Variants in LGR6 observed in about 807,000 individuals in gnomAD.
LGR6 encodes the protein leucine-rich repeat-containing G protein-coupled receptor 6.
In LGR6, 45 loss-of-function variants were observed where a neutral mutation model predicts 69.4. That is an observed-to-expected ratio of 0.65 (90% CI 0.51 to 0.83). The LOEUF is 0.83. Among genes scored for constraint, LGR6 ranks in the 40% least tolerant of loss-of-function variants. The pLI is 0.00. For synonymous variants in LGR6, 538 were observed against 555.0 expected, an observed-to-expected ratio of 0.97 and a Z score of 0.43; for missense variants, 1,108 against 1,246.7, an observed-to-expected ratio of 0.89 and a Z score of 1.68.
At chr1:202,256,885 T>A (rs952011550) in intron 4 of LGR6, among the ~76,000 whole-genome samples, 1 of 152,218 alleles carries the variant, frequency 6.6e-6, no homozygotes, top group African/African-American at 2.4e-5. Flanking sequence ...ACTTGTTATG[T>A]CTTTTTGATT....
chr1:202,279,664 T>C (rs1033009867), intron 5 of LGR6, among the ~76,000 whole-genome samples: 1 of 152,238 alleles, frequency 6.6e-6, no homozygotes, highest in African/African-American at 2.4e-5. Flanking sequence ...ATTTTTGGAT[T>C]CTCTGCTCCA....
At chr1:202,314,742 AG>A (rs1654010770) in intron 16 of LGR6, 59 bp from the exon 17 acceptor site, 1 of 1,204,610 alleles carries the variant, frequency 8.3e-7, no homozygotes, top group Non-Finnish European at 1.2e-6. Flanking sequence ...ATTTGGAGAA[AG>A]GTAGGGCTTG....
chr1:202,303,124 G>A (rs536988384), intron 9 of LGR6, among the ~76,000 whole-genome samples, 155 bp from the exon 10 acceptor site: 6 of 152,190 alleles, frequency 3.9e-5, no homozygotes, highest in African/African-American at 9.7e-5. Context: ...CAGCCTCCAC[G>A]AGGGCCTGCG....
rs566319235 is a variant in LGR6, at chr1:202,249,721, C to T, written c.428+13728C>T. ...CCACTGCATCCAATCAATCAAGTCCCAGTGACTGTACATCCTGTTCGCTCT... is the reference window on the plus strand; with the variant it reads ...CCACTGCATCCAATCAATCAAGTCCTAGTGACTGTACATCCTGTTCGCTCT... On this transcript the variant is annotated intron_variant, in intron 4 of 17. Transcript: ENST00000367278. Among the ~76,000 whole-genome samples, 160 of 152,326 alleles carry T rather than the reference C, an allele frequency of 1.1e-3. 1 individual carries two copies. The highest frequency in any genetic ancestry group is 1.7e-3 in the Non-Finnish European group (117 of 68,014).
At chr1:202,269,636 C>T (rs548102140) in intron 4 of LGR6, among the ~76,000 whole-genome samples, 12 of 152,186 alleles carry the variant, frequency 7.9e-5, no homozygotes, top group Non-Finnish European at 1.5e-4. Context: ...TTCATTCAGG[C>T]CCACCTTTCC....
At position 202,197,456 on chromosome 1, in the gene LGR6, G is replaced by T. The variant is rs373415715; in HGVS notation, c.212+3255G>T. On this transcript the variant is annotated intron_variant, in intron 1 of 17. Transcript: ENST00000367278. Reference sequence around the variant, plus strand: ...TTTCCTCTTAAACTATAGTCTCAGCGAGGCTCATTGACACTCACCGGGGTT... The same window carrying T: ...TTTCCTCTTAAACTATAGTCTCAGCTAGGCTCATTGACACTCACCGGGGTT... The T allele has an allele frequency of 3.9e-4, 209 of 533,332 alleles. 1 individual carries two copies. Among genetic ancestry groups the T allele is most frequent in the African/African-American group, 3.6e-3 (186 of 52,032 alleles). The allele number at this position is 533,332 out of a possible 1,614,324, so 33.0% of individuals were successfully genotyped here.
chr1:202,258,874 G>A (rs552240965), intron 4 of LGR6, among the ~76,000 whole-genome samples: 65 of 152,032 alleles, frequency 4.3e-4, no homozygotes, highest in African/African-American at 9.6e-4. Flanking sequence ...ATCTTGTTCT[G>A]GATTTTAAGA....
chr1:202,310,378 G>T, intron 16 of LGR6, 21 bp downstream of exon 16: 1 of 1,611,484 alleles, frequency 6.2e-7, no homozygotes, highest in South Asian at 1.1e-5. Flanking sequence ...AGGGGCCCTG[G>T]GTTGGGGAGG....
chr1:202,289,270 C>A (rs1666619984), intron 6 of LGR6, among the ~76,000 whole-genome samples: 1 of 152,194 alleles, frequency 6.6e-6, no homozygotes, highest in Non-Finnish European at 1.5e-5. Flanking sequence ...GCACCAGACA[C>A]CCAGCATGTC....
intron 4 of LGR6, among the ~76,000 whole-genome samples, chr1:202,266,405 C>T (rs1201736625): frequency 3.9e-5 from 6 of 152,094 alleles, no homozygotes; most frequent in African/African-American, 1.4e-4. Flanking sequence ...GAAAGGGACT[C>T]GTCTGAAGTC....
chr1:202,244,389 G>A (rs1373573248), intron 4 of LGR6, among the ~76,000 whole-genome samples: 4 of 152,134 alleles, frequency 2.6e-5, no homozygotes, highest in South Asian at 2.1e-4. Flanking sequence ...AAAACTGGGC[G>A]GCTTAAAACA....
chr1:202,204,215 ACACACACACACCTC>A (rs1427942552), intron 1 of LGR6, among the ~76,000 whole-genome samples: 2 of 140,468 alleles, frequency 1.4e-5, no homozygotes, highest in Non-Finnish European at 3.1e-5. Flanking sequence ...TCCTTCAAGC[ACACACACACACCTC>A]CACACACACA....
intron 4 of LGR6, among the ~76,000 whole-genome samples, chr1:202,270,522 G>A (rs956948125): frequency 2.4e-4 from 36 of 152,152 alleles, no homozygotes; most frequent in Non-Finnish European, 4.7e-4. Flanking sequence ...GATTACAGGC[G>A]TGAGCCACCA....
chr1:202,278,485 G>T (rs973550804), intron 5 of LGR6, among the ~76,000 whole-genome samples: 1 of 152,128 alleles, frequency 6.6e-6, no homozygotes, highest in Non-Finnish European at 1.5e-5. Flanking sequence ...CTACTGGTGC[G>T]GGAGCAAAGC....
intron 1 of LGR6, chr1:202,197,232 A>G: frequency 2.3e-6 from 1 of 433,202 alleles, no homozygotes; most frequent in East Asian, 6.4e-5. Flanking sequence ...TTCATGAGGT[A>G]GGTGCTTCCA....
At chr1:202,214,510 C>G (rs987146074) in intron 1 of LGR6, among the ~76,000 whole-genome samples, 1 of 151,888 alleles carries the variant, frequency 6.6e-6, no homozygotes, top group Admixed American at 6.6e-5. Context: ...CCCCCGGGGC[C>G]GCCGCTTAGC....
intron 4 of LGR6, among the ~76,000 whole-genome samples, chr1:202,242,459 T>C (rs1662290352): frequency 6.6e-6 from 1 of 152,156 alleles, no homozygotes; most frequent in South Asian, 2.1e-4. Flanking sequence ...GTCTCTAAAA[T>C]GAGAGAGTCC....
intron 9 of LGR6, 78 bp from the exon 10 acceptor site, chr1:202,303,201 G>C (rs1667733376): frequency 1.8e-6 from 2 of 1,129,696 alleles, no homozygotes; most frequent in African/African-American, 1.5e-5. Flanking sequence ...CCGGAGGGGA[G>C]ACAAAATGGA....
chr1:202,219,434 T>C (rs1490083207), intron 1 of LGR6, among the ~76,000 whole-genome samples: 1 of 152,206 alleles, frequency 6.6e-6, no homozygotes, highest in Non-Finnish European at 1.5e-5. Flanking sequence ...AAAGGATTAT[T>C]TGGAGGAGGA....
Sources: allele counts gnomAD v4.1 joint callset (sites outside exome capture counted in the v4.1 genomes callset), GRCh38; gene constraint gnomAD v4.1.1; transcripts MANE v1.5; gene names NCBI Gene and HGNC (gene_info 2026-07-23, HGNC 2026-07-21).